PAG1: variants seen among roughly 807,000 people sequenced by gnomAD.
PAG1 encodes phosphoprotein membrane anchor with glycosphingolipid microdomains 1.
A neutral mutation model predicts 31.7 loss-of-function variants in PAG1; 23 were observed. That is an observed-to-expected ratio of 0.73 (90% CI 0.52 to 1.03). The LOEUF (loss-of-function observed/expected upper bound fraction) is 1.03. Ranked by LOEUF, PAG1 falls within the 50% of genes least tolerant of loss-of-function variation. The pLI is 0.00. For missense variants in PAG1, 473 were observed against 540.7 expected, an observed-to-expected ratio of 0.87 and a Z score of 1.24; for synonymous variants, 214 against 210.3, an observed-to-expected ratio of 1.02 and a Z score of -0.15.
chr8:81,094,614 T>G (rs1376181290), intron 1 of PAG1, among the ~76,000 whole-genome samples: 1 of 152,118 alleles, frequency 6.6e-6, no homozygotes, highest in Non-Finnish European at 1.5e-5. Flanking sequence ...AAGCTCTTCT[T>G]TGCAATATAT....
rs558824230 is a variant in PAG1 at position 81,011,120 on chromosome 8, G to A, written c.-80-17813C>T. 4.6e-5 allele frequency among the ~76,000 whole-genome samples: 7 copies of A among 152,254 alleles called. No individual in the cohort carries two copies. In the East Asian group the frequency reaches 1.4e-3, roughly 29 times the overall value. On this transcript the variant is annotated intron_variant, in intron 3 of 8. Transcript: ENST00000220597. ...AAGCATATTATTTATTGGCCTTTGTGTTTATTGTTGTATGTACAACCTCTA... is the reference window on the plus strand; with the variant it reads ...AAGCATATTATTTATTGGCCTTTGTATTTATTGTTGTATGTACAACCTCTA...
rs753254548 is a variant in PAG1 at position 80,993,148 on chromosome 8, A to C, written c.80T>G (p.Phe27Cys). 3 of 1,613,702 alleles carry C rather than the reference A, an allele frequency of 1.9e-6. No homozygotes were observed. The African/African-American group carries it at 4.0e-5, about 22-fold the overall frequency. Residue 27 changes from phenylalanine (F) to cysteine (C), a missense_variant, in exon 4 of 9, where the codon TTC becomes TGC. Coordinates refer to ENST00000220597, the MANE Select transcript of PAG1 (RefSeq NM_018440.4). Reference protein sequence around the residue: ...LWGSLAAVAIFFVITFLIFLC... With the variant: ...LWGSLAAVAICFVITFLIFLC... ...GAAGATGAGGAAGGTGATGACGAAG[A>C]AAATGGCGACAGCAGCCAGACTTCC... is the stretch of plus-strand genomic sequence containing the variant.
chr8:80,980,515 CA>C (rs1378517681), intron 7 of PAG1, 21 bp from the exon 8 acceptor site: 18 of 1,544,880 alleles, frequency 1.2e-5, no homozygotes, highest in Non-Finnish European at 1.6e-5. Context: ...AAACACAAGC[CA>C]AGGAAAGTAA....
At chr8:81,006,438 G>C (rs1321935795) in intron 3 of PAG1, among the ~76,000 whole-genome samples, 1 of 152,140 alleles carries the variant, frequency 6.6e-6, no homozygotes, top group African/African-American at 2.4e-5. Context: ...CACTGGTTCT[G>C]TAGACAAGCC....
At chr8:81,035,211 C>G (rs1162937061) in intron 2 of PAG1, among the ~76,000 whole-genome samples, 1 of 152,112 alleles carries the variant, frequency 6.6e-6, no homozygotes. Context: ...GTAAGAGCCA[C>G]AGTTCTCAAG....
chr8:81,104,605 C>A (rs1163271882), intron 1 of PAG1, among the ~76,000 whole-genome samples: 4 of 152,144 alleles, frequency 2.6e-5, no homozygotes, highest in Admixed American at 2.0e-4. Flanking sequence ...TCTTCTCCTG[C>A]AAACTGCTCC....
At chr8:81,065,838 T>A (rs1248455365) in intron 2 of PAG1, among the ~76,000 whole-genome samples, 1 of 150,674 alleles carries the variant, frequency 6.6e-6, no homozygotes, top group Non-Finnish European at 1.5e-5. Context: ...TATATATGTT[T>A]ATATATATCA....
chr8:81,006,765 A>G (rs1232839236), intron 3 of PAG1, among the ~76,000 whole-genome samples: 2 of 152,124 alleles, frequency 1.3e-5, no homozygotes, highest in African/African-American at 4.8e-5. Flanking sequence ...AGAGTTTTAC[A>G]TTTTGAGTGT....
In PAG1 at chr8:81,051,352, A is replaced by G. The variant is rs141603719; in HGVS notation, c.-175+18760T>C. Among the ~76,000 whole-genome samples, 10 of 152,348 alleles carry G rather than the reference A, an allele frequency of 6.6e-5. No homozygotes were observed. The East Asian group carries it at 1.5e-3, about 23-fold the overall frequency. On this transcript the variant is annotated intron_variant, in intron 2 of 8. Coordinates refer to ENST00000220597, the MANE Select transcript of PAG1 (RefSeq NM_018440.4). ...GAAACCATCAGCCCCAAACTGTCACATAAATTTCTATAGAATGGCACATCT... is the reference window on the plus strand; with the variant it reads ...GAAACCATCAGCCCCAAACTGTCACGTAAATTTCTATAGAATGGCACATCT...
At position 80,976,520 on chromosome 8, in the gene PAG1, T is replaced by C; in HGVS notation, c.*24A>G. The C allele has an allele frequency of 1.3e-6, 2 of 1,581,674 alleles. No homozygotes were observed. Among genetic ancestry groups the C allele is most frequent in the Non-Finnish European group, 1.7e-6 (2 of 1,167,312 alleles). On this transcript the variant is annotated 3_prime_UTR_variant, in exon 9 of 9. Coordinates refer to ENST00000220597, the MANE Select transcript of PAG1 (RefSeq NM_018440.4). ...ACGTCTCCAGACACTGATCACAGGC[T>C]ACCCAGGGTTGTCTTCTGGGTTGCT...
At chr8:80,996,424 T>A (rs902325980) in intron 3 of PAG1, among the ~76,000 whole-genome samples, 1 of 152,180 alleles carries the variant, frequency 6.6e-6, no homozygotes, top group African/African-American at 2.4e-5. Context: ...TCTCCTGGTC[T>A]CTCTCTCTTT....
At chr8:81,073,706 A>T (rs1163289777) in intron 1 of PAG1, among the ~76,000 whole-genome samples, 1 of 152,204 alleles carries the variant, frequency 6.6e-6, no homozygotes. Flanking sequence ...ATTGACCAAG[A>T]TGAAATTCCC....
At chr8:81,010,251 C>T (rs938099877) in intron 3 of PAG1, among the ~76,000 whole-genome samples, 2 of 152,136 alleles carry the variant, frequency 1.3e-5, no homozygotes, top group Non-Finnish European at 2.9e-5. Flanking sequence ...ATCCTTAAAG[C>T]CCAGGCCAAA....
At chr8:81,108,628 G>A (rs1055192076) in intron 1 of PAG1, among the ~76,000 whole-genome samples, 1 of 151,942 alleles carries the variant, frequency 6.6e-6, no homozygotes, top group African/African-American at 2.4e-5. Flanking sequence ...TACAAAAGGC[G>A]AGAACACTAT....
At chr8:81,013,754 A>AT (rs1808024401) in intron 3 of PAG1, among the ~76,000 whole-genome samples, 1 of 151,880 alleles carries the variant, frequency 6.6e-6, no homozygotes, top group African/African-American at 2.4e-5. Flanking sequence ...TAATTTTTGT[A>AT]TTTTTTGTAG....
At position 81,019,711 on chromosome 8, in the gene PAG1, C is replaced by T. The variant is rs7833636; in HGVS notation, c.-81+10285G>A. 2.4e-3 allele frequency among the ~76,000 whole-genome samples: 360 copies of T among 152,334 alleles called. 3 individuals are homozygous for T. Among genetic ancestry groups the T allele is most frequent in the African/African-American group, 8.2e-3 (342 of 41,576 alleles). On this transcript the variant is annotated intron_variant, in intron 3 of 8. Coordinates refer to ENST00000220597, the MANE Select transcript of PAG1 (RefSeq NM_018440.4). Reference sequence around the variant, plus strand: ...GCAGGAGTGGCAAGCTGATGGACAACCTCTGCTAGAGCAGTGTGGAAAGAA... The same window carrying T: ...GCAGGAGTGGCAAGCTGATGGACAATCTCTGCTAGAGCAGTGTGGAAAGAA...
At chr8:81,040,921 C>T (rs1412488376) in intron 2 of PAG1, 2 of 152,244 alleles carry the variant, frequency 1.3e-5, no homozygotes, top group Non-Finnish European at 2.9e-5. Flanking sequence ...AAAAAACAGA[C>T]GTGAAAGATT....
intron 3 of PAG1, among the ~76,000 whole-genome samples, chr8:81,026,438 C>A (rs976307957): frequency 6.7e-5 from 10 of 149,042 alleles, no homozygotes; most frequent in African/African-American, 2.5e-4. Flanking sequence ...TTCTTTCATA[C>A]TAGATGGTGA....
chr8:80,986,911 C>G (rs1478471279), intron 6 of PAG1, among the ~76,000 whole-genome samples: 1 of 152,088 alleles, frequency 6.6e-6, no homozygotes, highest in Non-Finnish European at 1.5e-5. Context: ...CTGATTTTAG[C>G]CCAGTGAGAC....
Sources: allele counts gnomAD v4.1 joint callset (sites outside exome capture counted in the v4.1 genomes callset), GRCh38; gene constraint gnomAD v4.1.1; transcripts MANE v1.5; gene names NCBI Gene and HGNC (gene_info 2026-07-23, HGNC 2026-07-21).